PDSS2: variants seen among roughly 807,000 people sequenced by gnomAD.
PDSS2 encodes all trans-polyprenyl-diphosphate synthase PDSS2.
PDSS2 carries 31 observed loss-of-function variants against 44.5 expected under a neutral mutation model. That is an observed-to-expected ratio of 0.70 (90% CI 0.52 to 0.94). The LOEUF (loss-of-function observed/expected upper bound fraction) is 0.94. Among genes scored for constraint, PDSS2 ranks in the 40% least tolerant of loss-of-function variants. The pLI, the probability that PDSS2 is intolerant of heterozygous loss-of-function variation, is 0.00. For missense variants in PDSS2, 452 were observed against 482.2 expected (o/e 0.94, Z 0.59); for synonymous variants, 157 against 180.3 (o/e 0.87, Z 1.03).
intron 7 of PDSS2, among the ~76,000 whole-genome samples, chr6:107,166,130 C>T (rs1554247483): frequency 1.3e-5 from 2 of 152,024 alleles, no homozygotes; most frequent in African/African-American, 2.4e-5. Context: ...ATTTGACTTC[C>T]TCTTTTCCTA....
intron 1 of PDSS2, among the ~76,000 whole-genome samples, chr6:107,367,952 A>T (rs569537339): frequency 1.3e-3 from 205 of 152,178 alleles, no homozygotes; most frequent in Non-Finnish European, 1.7e-3. Context: ...AGATCTCAGG[A>T]TATATGATTG....
chr6:107,286,402 CG>C (rs1363577117), intron 2 of PDSS2, among the ~76,000 whole-genome samples: 3 of 151,322 alleles, frequency 2.0e-5, no homozygotes, highest in Non-Finnish European at 2.9e-5. Flanking sequence ...CCCAGCTACT[CG>C]GGAGGCTGAG....
chr6:107,239,917 C>T (rs1170244086), intron 4 of PDSS2, among the ~76,000 whole-genome samples: 1 of 152,062 alleles, frequency 6.6e-6, no homozygotes, highest in Non-Finnish European at 1.5e-5. Flanking sequence ...GTTGGGATTA[C>T]AGGCGTGAGC....
In PDSS2 at chr6:107,275,587, CAGA is replaced by C. The variant is rs142513278; in HGVS notation, c.432-1363_432-1361del. Among the ~76,000 whole-genome samples, 1,207 of 152,190 alleles carry C rather than the reference CAGA, an allele frequency of 7.9e-3. 11 individuals are homozygous for C. The highest frequency in any genetic ancestry group is 0.014 in the South Asian group (66 of 4,820). ...GTCACAGGCGTTGCATGACCCCAAGCAGAAGAACACTCACGTCAATCCACAGAA... is the reference window on the plus strand; with the variant it reads ...GTCACAGGCGTTGCATGACCCCAAGCAGAACACTCACGTCAATCCACAGAA... On this transcript the variant is annotated intron_variant, in intron 2 of 7. Transcript: ENST00000369037.
chr6:107,377,192 GA>G (rs1404899354), intron 1 of PDSS2, among the ~76,000 whole-genome samples: 22 of 149,156 alleles, frequency 1.5e-4, no homozygotes, highest in African/African-American at 3.7e-4. Context: ...AAATTTACAA[GA>G]AAAAAACAAA....
At chr6:107,421,829 C>CACAA (rs1780834117) in intron 1 of PDSS2, among the ~76,000 whole-genome samples, 1 of 151,326 alleles carries the variant, frequency 6.6e-6, no homozygotes, top group South Asian at 2.1e-4. Context: ...CACACACACA[C>CACAA]ACACACAAAC....
chr6:107,229,347 C>T lies in PDSS2; in HGVS notation c.702+16201G>A, dbSNP rs187597949. Among the ~76,000 whole-genome samples, 291 of 152,050 alleles carry T rather than the reference C, an allele frequency of 1.9e-3. 4 individuals carry two copies. The highest frequency in any genetic ancestry group is 6.7e-3 in the African/African-American group (280 of 41,496). On this transcript the variant is annotated intron_variant, in intron 4 of 7. Transcript: ENST00000369037. ...GGTTACAGGCGTGCACCACCATGCC[C>T]GGCTAATTTTTGTGTTTTTAGTAGA...
intron 1 of PDSS2, among the ~76,000 whole-genome samples, chr6:107,446,507 T>C (rs1218617827): frequency 6.6e-6 from 1 of 152,146 alleles, no homozygotes; most frequent in Non-Finnish European, 1.5e-5. Context: ...CTGCATTTAT[T>C]TTGTGTGTAG....
At chr6:107,165,032 T>C (rs1435632282) in intron 7 of PDSS2, among the ~76,000 whole-genome samples, 1 of 152,200 alleles carries the variant, frequency 6.6e-6, no homozygotes, top group Non-Finnish European at 1.5e-5. Context: ...TCTTGTAAAT[T>C]TGTTTGAGTT....
At chr6:107,261,445 G>C (rs188107886) in intron 3 of PDSS2, among the ~76,000 whole-genome samples, 56 of 152,310 alleles carry the variant, frequency 3.7e-4, no homozygotes, top group East Asian at 2.1e-3. Context: ...TGCCATGATT[G>C]TAAGCTTCCT....
At chr6:107,261,409 G>C (rs139361394) in intron 3 of PDSS2, among the ~76,000 whole-genome samples, 3 of 152,250 alleles carry the variant, frequency 2.0e-5, no homozygotes, top group Non-Finnish European at 4.4e-5. Flanking sequence ...TTCACCATGT[G>C]ACGTCCCTGC....
chr6:107,207,234 C>T (rs917300910), intron 6 of PDSS2, among the ~76,000 whole-genome samples: 1 of 152,016 alleles, frequency 6.6e-6, no homozygotes, highest in Non-Finnish European at 1.5e-5. Flanking sequence ...CCTCGTGATC[C>T]GCCTGCCTCG....
chr6:107,258,304 T>C (rs1775092912), intron 3 of PDSS2, among the ~76,000 whole-genome samples: 1 of 152,146 alleles, frequency 6.6e-6, no homozygotes, highest in African/African-American at 2.4e-5. Flanking sequence ...ATTATAATCA[T>C]TTTGTTTTTC....
At chr6:107,421,329 A>G (rs1234158543) in intron 1 of PDSS2, among the ~76,000 whole-genome samples, 1 of 152,118 alleles carries the variant, frequency 6.6e-6, no homozygotes, top group Non-Finnish European at 1.5e-5. Flanking sequence ...CCCAACAATC[A>G]CACTCCCAAG....
chr6:107,264,635 T>C (rs1775353772), intron 3 of PDSS2: 2 of 619,168 alleles, frequency 3.2e-6, no homozygotes, highest in Middle Eastern at 4.0e-4. Context: ...ACAGTCTTAT[T>C]TGCACTGTGG....
chr6:107,250,157 G>A (rs1774764681), intron 3 of PDSS2, among the ~76,000 whole-genome samples: 2 of 149,464 alleles, frequency 1.3e-5, no homozygotes, highest in South Asian at 4.3e-4. Context: ...AGAGGAGTAG[G>A]GGATGGTAAG....
intron 1 of PDSS2, among the ~76,000 whole-genome samples, chr6:107,422,011 C>T (rs1159511969): frequency 6.7e-6 from 1 of 150,208 alleles, no homozygotes; most frequent in East Asian, 1.9e-4. Context: ...TTATAACTTC[C>T]TGTAAGTCAG....
At chr6:107,308,706 C>T (rs534460555) in intron 2 of PDSS2, among the ~76,000 whole-genome samples, 1 of 152,306 alleles carries the variant, frequency 6.6e-6, no homozygotes, top group South Asian at 2.1e-4. Flanking sequence ...AATGCAAGGA[C>T]GTTGCTGCTA....
chr6:107,335,936 A>G, intron 1 of PDSS2, among the ~76,000 whole-genome samples: 1 of 148,370 alleles, frequency 6.7e-6, no homozygotes, highest in Non-Finnish European at 1.5e-5. Flanking sequence ...AATTAAGGTA[A>G]CATAGCCAAA....
Sources: gnomAD v4.1 joint callset for allele counts (sites outside exome capture counted in the v4.1 genomes callset) on GRCh38, gnomAD v4.1.1 for gene constraint, MANE v1.5 for transcripts, NCBI Gene and HGNC (gene_info 2026-07-23, HGNC 2026-07-21) for gene names.